Variants in ITGBL1 observed in about 807,000 individuals in gnomAD.
ITGBL1 encodes the protein integrin subunit beta like 1, also known as integrin beta-like protein 1.
In ITGBL1, 51 loss-of-function variants were observed where a neutral mutation model predicts 68.5. That is an observed-to-expected ratio of 0.74 (90% CI 0.59 to 0.94). The LOEUF is 0.94. ITGBL1 is among the 40% of genes least tolerant of loss of function. ITGBL1 has a pLI of 0.00. For missense variants in ITGBL1, 649 were observed against 647.4 expected (o/e 1.00, Z -0.03); for synonymous variants, 209 against 227.3 (o/e 0.92, Z 0.72).
At chr13:101,520,158 C>T (rs1217646591) in intron 2 of ITGBL1, among the ~76,000 whole-genome samples, 1 of 152,108 alleles carries the variant, frequency 6.6e-6, no homozygotes, top group Non-Finnish European at 1.5e-5. Context: ...ACTTCTCTTT[C>T]TGTGTTATCA....
chr13:101,549,382 A>T (rs1316223653), intron 2 of ITGBL1, among the ~76,000 whole-genome samples: 1 of 151,962 alleles, frequency 6.6e-6, no homozygotes, highest in African/African-American at 2.4e-5. Flanking sequence ...AGTGTGAGAA[A>T]CTTTATATAT....
chr13:101,705,518 C>T (rs780198536), intron 8 of ITGBL1, among the ~76,000 whole-genome samples: 12 of 151,890 alleles, frequency 7.9e-5, no homozygotes, highest in African/African-American at 9.7e-5. Context: ...AGTCTGCACA[C>T]GTTCATGCTC....
At chr13:101,701,374 A>G (rs2034132179) in intron 8 of ITGBL1, among the ~76,000 whole-genome samples, 1 of 152,068 alleles carries the variant, frequency 6.6e-6, no homozygotes, top group African/African-American at 2.4e-5. Context: ...CTCTACTAAA[A>G]ATACAAAAAT....
chr13:101,564,465 CAATG>C (rs1205036704), intron 2 of ITGBL1, among the ~76,000 whole-genome samples: 2 of 151,330 alleles, frequency 1.3e-5, no homozygotes, highest in African/African-American at 2.4e-5. Flanking sequence ...ACATTTGTGA[CAATG>C]AACTTCTATC....
intron 7 of ITGBL1, among the ~76,000 whole-genome samples, chr13:101,606,714 C>G (rs563942906): frequency 6.6e-6 from 1 of 151,958 alleles, no homozygotes; most frequent in Non-Finnish European, 1.5e-5. Flanking sequence ...TGCTGGAGAT[C>G]GTCTCTGACC....
chr13:101,547,313 GATT>G (rs1198375934), intron 2 of ITGBL1, among the ~76,000 whole-genome samples: 1 of 151,654 alleles, frequency 6.6e-6, no homozygotes. Context: ...TTACTCATGT[GATT>G]ATTTTCTAAT....
At chr13:101,453,142 T>C (rs1039647594) in intron 1 of ITGBL1, among the ~76,000 whole-genome samples, 21 of 152,260 alleles carry the variant, frequency 1.4e-4, no homozygotes, top group Non-Finnish European at 1.3e-4. Flanking sequence ...AATGCAATCA[T>C]TGAATAAAAA....
intron 2 of ITGBL1, among the ~76,000 whole-genome samples, chr13:101,488,317 G>A (rs9300668): frequency 0.27 from 40,926 of 152,138 alleles, 6,351 homozygotes; most frequent in East Asian, 0.48. Context: ...TTAGCTTGAT[G>A]TATACATTTA....
At chr13:101,591,220 G>A (rs1027719978) in intron 6 of ITGBL1, among the ~76,000 whole-genome samples, 3 of 152,130 alleles carry the variant, frequency 2.0e-5, no homozygotes, top group African/African-American at 7.2e-5. Context: ...CTTAAACTGA[G>A]ATGAATGAAT....
intron 8 of ITGBL1, among the ~76,000 whole-genome samples, chr13:101,703,219 A>G (rs1328623114): frequency 6.6e-6 from 1 of 152,168 alleles, no homozygotes; most frequent in Non-Finnish European, 1.5e-5. Flanking sequence ...AGGAGAGACA[A>G]TGAGTCTCAC....
intron 7 of ITGBL1, among the ~76,000 whole-genome samples, chr13:101,678,509 T>TA (rs1488737688): frequency 6.6e-6 from 1 of 151,724 alleles, no homozygotes; most frequent in East Asian, 1.9e-4. Context: ...AGACTTTTTT[T>TA]TTTTTTTTGA....
At chr13:101,558,651 A>T (rs2050050756) in intron 2 of ITGBL1, among the ~76,000 whole-genome samples, 1 of 151,994 alleles carries the variant, frequency 6.6e-6, no homozygotes, top group Non-Finnish European at 1.5e-5. Context: ...AGGGTCACCA[A>T]GTTTTTGGGA....
chr13:101,699,998 C>A (rs551727610), intron 8 of ITGBL1, among the ~76,000 whole-genome samples: 1 of 152,232 alleles, frequency 6.6e-6, no homozygotes, highest in Admixed American at 6.5e-5. Context: ...TCTCTAGTTA[C>A]CTAACTCTAA....
intron 9 of ITGBL1, chr13:101,711,980 A>G (rs1402857580): frequency 6.6e-6 from 1 of 152,174 alleles, no homozygotes; most frequent in East Asian, 1.9e-4. Flanking sequence ...ACCTCTTGAT[A>G]GTCATGCAGC....
chr13:101,522,241 G>A (rs2049298347), intron 2 of ITGBL1, among the ~76,000 whole-genome samples: 1 of 151,930 alleles, frequency 6.6e-6, no homozygotes, highest in African/African-American at 2.4e-5. Context: ...GACACAATTT[G>A]GCTCATAATA....
chr13:101,480,291 G>A (rs1032690574), intron 2 of ITGBL1, among the ~76,000 whole-genome samples: 3 of 152,044 alleles, frequency 2.0e-5, no homozygotes, highest in African/African-American at 7.2e-5. Context: ...CATGGATACA[G>A]AGAGTAGAAT....
At chr13:101,467,466 TGATAAA>T (rs1464237660) in intron 2 of ITGBL1, among the ~76,000 whole-genome samples, 4 of 152,170 alleles carry the variant, frequency 2.6e-5, no homozygotes, top group Non-Finnish European at 5.9e-5. Flanking sequence ...ACTTCTAAAT[TGATAAA>T]GATAGAGAGC....
At chr13:101,687,873 T>G (rs2033791871) in intron 7 of ITGBL1, among the ~76,000 whole-genome samples, 1 of 152,142 alleles carries the variant, frequency 6.6e-6, no homozygotes, top group Admixed American at 6.6e-5. Context: ...TGCTTTATTT[T>G]TATTTCTTTG....
chr13:101,665,395 A>T (rs537250312), intron 7 of ITGBL1, among the ~76,000 whole-genome samples: 11 of 152,132 alleles, frequency 7.2e-5, no homozygotes, highest in Middle Eastern at 3.4e-3. Context: ...TATAAATGAC[A>T]TAATTTTAAA....
Sources: gnomAD v4.1 joint callset for allele counts (sites outside exome capture counted in the v4.1 genomes callset) on GRCh38, gnomAD v4.1.1 for gene constraint, MANE v1.5 for transcripts, NCBI Gene and HGNC (gene_info 2026-07-23, HGNC 2026-07-21) for gene names.